Variants in GMFG observed in about 807,000 individuals in gnomAD.
GMFG encodes glia maturation factor gamma.
GMFG carries 21 observed loss-of-function variants against 26.1 expected under a neutral mutation model. The observed-to-expected ratio is 0.80, with a 90% CI of 0.57 to 1.16. The LOEUF is 1.16. GMFG is among the 50% of genes most tolerant of loss of function. The pLI is 0.00. For missense variants in GMFG, 161 were observed against 178.3 expected, an observed-to-expected ratio of 0.90 and a Z score of 0.55; for synonymous variants, 65 against 60.8, an observed-to-expected ratio of 1.07 and a Z score of -0.32.
chr19:39,328,888 A>AC lies in GMFG; in HGVS notation c.357+111_357+112insG, dbSNP rs1229754101. The AC allele has an allele frequency of 7.1e-6, 6 of 848,242 alleles. No individual in the cohort carries two copies. The African/African-American group carries it at 8.8e-5, about 12-fold the overall frequency. The allele number at this position is 848,242 out of a possible 1,614,324, so 52.5% of individuals were successfully genotyped here. On this transcript the variant is annotated intron_variant, in intron 6 of 6. Coordinates refer to ENST00000597595, the MANE Select transcript of GMFG (RefSeq NM_004877.4). Reference sequence around the variant, plus strand: ...GCGAGACCCAGTTCTTTAAAAAAACAAAAACAAAAACAAAAACCACTGAGA... The same window carrying AC: ...GCGAGACCCAGTTCTTTAAAAAAACACAAAACAAAAACAAAAACCACTGAGA...
In GMFG at chr19:39,333,112, C is replaced by CATT. The variant is rs771805964; in HGVS notation, c.164_165insAAT (p.Glu55_Glu56insMet). The CATT allele has an allele frequency of 6.3e-7, 1 of 1,597,854 alleles. No homozygotes were observed. Among genetic ancestry groups the CATT allele is most frequent in the South Asian group, 1.1e-5 (1 of 90,616 alleles). On this transcript the variant is annotated inframe_insertion, in exon 4 of 7. Transcript: ENST00000597595. Reference sequence around the variant, plus strand: ...TCTCCGGCAACTCCATTTTGAGCTCCTCTGGGGAAATGTTCTGAGGCAAGA... The same window carrying CATT: ...TCTCCGGCAACTCCATTTTGAGCTCCATTTCTGGGGAAATGTTCTGAGGCAAGA...
intron 4 of GMFG, among the ~76,000 whole-genome samples, chr19:39,330,987 C>T (rs914407764): frequency 1.3e-5 from 2 of 152,164 alleles, no homozygotes; most frequent in African/African-American, 4.8e-5. Context: ...GTACTCCCAC[C>T]TCAGACTCCC....
intron 4 of GMFG, among the ~76,000 whole-genome samples, chr19:39,332,081 G>A (rs998748461): frequency 2.0e-5 from 3 of 151,306 alleles, no homozygotes; most frequent in African/African-American, 7.3e-5. Flanking sequence ...GGTGGCTCAC[G>A]CCTGTAATCC....
chr19:39,330,586 G>A (rs929904590), intron 4 of GMFG, among the ~76,000 whole-genome samples: 1 of 149,126 alleles, frequency 6.7e-6, no homozygotes, highest in Non-Finnish European at 1.5e-5. Flanking sequence ...ACACCACCAT[G>A]CCCAGCTAAT....
chr19:39,332,200 G>A (rs1325298442), intron 4 of GMFG, among the ~76,000 whole-genome samples: 1 of 151,780 alleles, frequency 6.6e-6, no homozygotes, highest in Non-Finnish European at 1.5e-5. Flanking sequence ...CATGGTGGTG[G>A]GCCCCTGTAA....
At position 39,335,295 on chromosome 19, in the gene GMFG, T is replaced by C. The variant is rs752337215; in HGVS notation, c.116A>G (p.Asp39Gly). ...TTCCTCCAGCACCACCATCTGCCGG[T>C]CTTTGTCCACCTTCACTGGGGAGGG... ...NAAIIMKVDK[D>G]RQMVVLEEEF... Residue 39 changes from aspartate (D) to glycine (G), a missense_variant, in exon 3 of 7, where the codon GAC becomes GGC. Physicochemically the swap from Asp to Gly is moderately conservative, Grantham distance 94 (BLOSUM62 -1). Transcript: ENST00000597595. The C allele has an allele frequency of 6.4e-7, 1 of 1,567,546 alleles. No individual in the cohort carries two copies. Among genetic ancestry groups the C allele is most frequent in the Non-Finnish European group, 8.7e-7 (1 of 1,154,860 alleles).
At chr19:39,331,944 C>G (rs2145053630) in intron 4 of GMFG, among the ~76,000 whole-genome samples, 1 of 152,120 alleles carries the variant, frequency 6.6e-6, no homozygotes, top group Admixed American at 6.5e-5. Flanking sequence ...TCACTTGCAG[C>G]CTCAGCTTCC....
At chr19:39,335,152 A>G in intron 3 of GMFG, 109 bp downstream of exon 3, 2 of 863,752 alleles carry the variant, frequency 2.3e-6, no homozygotes, top group Non-Finnish European at 3.6e-6. Context: ...TGCTCGGCCA[A>G]TCTCCAGGTC....
In GMFG at chr19:39,328,433, C is replaced by T; in HGVS notation, c.*44G>A. The T allele has an allele frequency of 1.6e-6, 2 of 1,286,062 alleles. No individual in the cohort carries two copies. The highest frequency in any genetic ancestry group is 2.4e-5 in the South Asian group (2 of 84,708). The allele number at this position is 1,286,062 out of a possible 1,614,324, so 79.7% of individuals were successfully genotyped here. On this transcript the variant is annotated 3_prime_UTR_variant, in exon 7 of 7. Transcript: ENST00000597595. The stretch of plus-strand genomic sequence containing the variant: ...CCTAGGGGTTCCAAGTCCCCAGTCA[C>T]CTTGAGGACTCAGACATCAGGAATT...
intron 6 of GMFG, 69 bp from the exon 7 acceptor site, chr19:39,328,617 C>T (rs2075213312): frequency 3.4e-6 from 4 of 1,178,482 alleles, no homozygotes; most frequent in Admixed American, 3.4e-5. Flanking sequence ...CACGGTGGCT[C>T]ACCTGTAAGA....
At chr19:39,335,003 C>T (rs1044768167) in intron 3 of GMFG, among the ~76,000 whole-genome samples, 1 of 152,176 alleles carries the variant, frequency 6.6e-6, no homozygotes, top group Non-Finnish European at 1.5e-5. Context: ...GTGCCCACCA[C>T]CATGCCTAGC....
chr19:39,331,089 T>G (rs1389612937), intron 4 of GMFG, among the ~76,000 whole-genome samples: 2 of 152,190 alleles, frequency 1.3e-5, no homozygotes, highest in Non-Finnish European at 2.9e-5. Context: ...CATGAGGATA[T>G]GCGCAGGCAG....
chr19:39,333,581 C>CAAAAA (rs750367671), intron 3 of GMFG, among the ~76,000 whole-genome samples: 4 of 47,340 alleles, frequency 8.4e-5, no homozygotes, highest in East Asian at 6.5e-4. Flanking sequence ...AACTCCGTCT[C>CAAAAA]AAAAAAAAAA....
rs1350837904 is a variant in GMFG at position 39,329,397 on chromosome 19, GAC to G, written c.283+145_283+146del. The G allele has an allele frequency of 7.6e-6, 5 of 657,790 alleles. No individual in the cohort carries two copies. The Admixed American group carries it at 8.9e-5, about 12-fold the overall frequency. The allele number at this position is 657,790 out of a possible 1,614,324, so 40.7% of individuals were successfully genotyped here. On this transcript the variant is annotated intron_variant, in intron 5 of 6. Coordinates refer to ENST00000597595, the MANE Select transcript of GMFG (RefSeq NM_004877.4). ...CACTGCCCTCCCACATCATGCGTGC[GAC>G]ACACACACATCCTCACCCAGTCACA...
intron 1 of GMFG, 136 bp downstream of exon 1, chr19:39,335,838 C>T (rs989595890): frequency 3.6e-5 from 26 of 717,746 alleles, no homozygotes; most frequent in South Asian, 2.1e-4. Context: ...TTCTTCCAGC[C>T]GGGCTGTTCA....
chr19:39,328,781 G>A (rs962938353), intron 6 of GMFG: 2 of 613,014 alleles, frequency 3.3e-6, no homozygotes, highest in African/African-American at 1.8e-5. Flanking sequence ...GGGAGGCTGA[G>A]GCAGGAGAAT....
chr19:39,334,453 AGTTAGG>A (rs2075240796), intron 3 of GMFG, among the ~76,000 whole-genome samples: 1 of 151,796 alleles, frequency 6.6e-6, no homozygotes, highest in Non-Finnish European at 1.5e-5. Flanking sequence ...TTTTTAGTAG[AGTTAGG>A]GTGTTACCAT....
intron 4 of GMFG, among the ~76,000 whole-genome samples, chr19:39,330,134 G>C (rs2075220632): frequency 6.6e-6 from 1 of 152,026 alleles, no homozygotes; most frequent in South Asian, 2.1e-4. Context: ...TTATAATATA[G>C]GTGCTATTAA....
chr19:39,328,733 G>A, intron 6 of GMFG, 185 bp from the exon 7 acceptor site: 1 of 610,716 alleles, frequency 1.6e-6, no homozygotes, highest in South Asian at 1.9e-5. Context: ...ACAAAAAGTA[G>A]CCAGGTGTGG....
Sources: allele counts gnomAD v4.1 joint callset (sites outside exome capture counted in the v4.1 genomes callset), GRCh38; gene constraint gnomAD v4.1.1; transcripts MANE v1.5; gene names NCBI Gene and HGNC (gene_info 2026-07-23, HGNC 2026-07-21).